C5orf24: variants seen among roughly 807,000 people sequenced by gnomAD.
The protein encoded by C5orf24 is chromosome 5 open reading frame 24.
C5orf24 carries 4 observed loss-of-function variants against 9.8 expected under a neutral mutation model. That is an observed-to-expected ratio of 0.41 (90% confidence interval 0.20 to 0.93). C5orf24 has a LOEUF of 0.93. Ranked by LOEUF, C5orf24 falls within the 40% of genes least tolerant of loss-of-function variation. The pLI is 0.33. For missense variants in C5orf24, 170 were observed against 236.9 expected (o/e 0.72, Z 1.85); for synonymous variants, 73 against 81.3 (o/e 0.90, Z 0.55).
At chr5:134,850,801 G>GT (rs1441083037) in intron 1 of C5orf24, among the ~76,000 whole-genome samples, 2 of 151,614 alleles carry the variant, frequency 1.3e-5, no homozygotes, top group African/African-American at 2.4e-5. Context: ...TTAATGGTAT[G>GT]TTTTTTTCAG....
intron 1 of C5orf24, among the ~76,000 whole-genome samples, chr5:134,848,122 C>T (rs941401937): frequency 1.3e-4 from 19 of 150,934 alleles, no homozygotes; most frequent in Non-Finnish European, 2.7e-4. Flanking sequence ...ACCATCCTGG[C>T]TAACATGGTG....
Position 134,857,543 on chromosome 5 carries a change from A to G in C5orf24, c.*2076A>G, listed in dbSNP as rs1053772409. 3 of 1,066,766 alleles carry G rather than the reference A, an allele frequency of 2.8e-6. No individual in the cohort carries two copies. The African/African-American group carries it at 4.9e-5, about 18-fold the overall frequency. The allele number at this position is 1,066,766 out of a possible 1,614,324, so 66.1% of individuals were successfully genotyped here. The stretch of plus-strand genomic sequence containing the variant: ...AGAGAACGATGTTGGATGGTTACAT[A>G]ATCAGTTATAACATTCTGGCAGCTA... On this transcript the variant is annotated 3_prime_UTR_variant, in exon 2 of 2. Transcript: ENST00000394976.
chr5:134,842,178 T>A (rs1470341401), upstream of C5orf24, among the ~76,000 whole-genome samples: 1 of 152,120 alleles, frequency 6.6e-6, no homozygotes, highest in East Asian at 1.9e-4. Flanking sequence ...GTTATAACAT[T>A]TGTCTGCTCC....
rs1756327481 is a variant in C5orf24, at chr5:134,856,834, G to A, written c.*1367G>A. 1 of 1,000,350 alleles carries A rather than the reference G, an allele frequency of 1.0e-6. No homozygotes were observed. Among genetic ancestry groups the A allele is most frequent in the East Asian group, 1.1e-4 (1 of 8,822 alleles). The allele number at this position is 1,000,350 out of a possible 1,614,324, so 62.0% of individuals were successfully genotyped here. A position where few individuals can be genotyped will look rare whatever the true frequency, so the allele number is the denominator to read the frequency against. ...ACTGTAAAACTGGTATAAACAGAAT[G>A]CAGTTTCCCGACCATCAGAACCCAA... On this transcript the variant is annotated 3_prime_UTR_variant, in exon 2 of 2. Transcript: ENST00000394976.
Position 134,855,894 on chromosome 5 carries a change from G to C in C5orf24, c.*427G>C. On this transcript the variant is annotated 3_prime_UTR_variant, in exon 2 of 2. Coordinates refer to ENST00000394976, the MANE Select transcript of C5orf24 (RefSeq NM_001135586.1). The stretch of plus-strand genomic sequence containing the variant: ...AGCAAAAAAGCAAACTAATGAATCA[G>C]GATTACTTGAGGTAATGGCTGTGTG... 1 of 1,013,844 alleles carries C rather than the reference G, an allele frequency of 9.9e-7. No homozygotes were observed. Among genetic ancestry groups the C allele is most frequent in the Non-Finnish European group, 1.2e-6 (1 of 839,846 alleles). 62.8% of individuals were successfully genotyped at this position (1,013,844 alleles called of 1,614,324 possible).
Position 134,857,486 on chromosome 5 carries a change from G to GA in C5orf24, c.*2020dup, listed in dbSNP as rs1756345764. On this transcript the variant is annotated 3_prime_UTR_variant, in exon 2 of 2. Coordinates refer to ENST00000394976, the MANE Select transcript of C5orf24 (RefSeq NM_001135586.1). ...TATGTGCACTGGCGTCTAAGACAGT[G>GA]ACCTCAACAATATTAGCTTTGCACA... 7.1e-7 allele frequency: 1 copy of GA among 1,416,810 alleles called. No individual in the cohort carries two copies. The highest frequency in any genetic ancestry group is 9.4e-7 in the Non-Finnish European group (1 of 1,069,216). 87.8% of individuals were successfully genotyped at this position (1,416,810 alleles called of 1,614,324 possible).
At chr5:134,835,610 G>A in the C5orf24 span, among the ~76,000 whole-genome samples, 2 of 152,202 alleles carry the variant, frequency 1.3e-5, no homozygotes, top group Non-Finnish European at 2.9e-5. Context: ...TCGTGCCAGT[G>A]CACTCCAGCT....
the C5orf24 span, among the ~76,000 whole-genome samples, chr5:134,839,958 A>G: frequency 1.3e-5 from 2 of 152,154 alleles, no homozygotes; most frequent in African/African-American, 4.8e-5. Context: ...AGGCTCCCAA[A>G]GTGCTGGGAT....
At chr5:134,850,356 A>G (rs990332333) in intron 1 of C5orf24, among the ~76,000 whole-genome samples, 4 of 151,880 alleles carry the variant, frequency 2.6e-5, no homozygotes, top group African/African-American at 9.7e-5. Context: ...CATGTTGGTC[A>G]GGCTGGTCTC....
chr5:134,848,544 C>T (rs1190049999), intron 1 of C5orf24, among the ~76,000 whole-genome samples: 1 of 151,270 alleles, frequency 6.6e-6, no homozygotes, highest in East Asian at 1.9e-4. Context: ...GCCTGTAATC[C>T]CAGCTACTCA....
At chr5:134,838,500 T>A in the C5orf24 span, among the ~76,000 whole-genome samples, 1 of 152,032 alleles carries the variant, frequency 6.6e-6, no homozygotes, top group African/African-American at 2.4e-5. Flanking sequence ...AAACGCCGTC[T>A]CTACTAAAAA....
chr5:134,839,159 A>C, the C5orf24 span, among the ~76,000 whole-genome samples: 1 of 151,296 alleles, frequency 6.6e-6, no homozygotes, highest in Non-Finnish European at 1.5e-5. Flanking sequence ...CCATGATCAC[A>C]CCACTGCATT....
chr5:134,846,277 C>A (rs904832116), intron 1 of C5orf24, 65 bp downstream of exon 1: 2 of 152,458 alleles, frequency 1.3e-5, no homozygotes, highest in African/African-American at 4.8e-5. Flanking sequence ...CGAGAACGGG[C>A]GCCTCGCTGA....
At chr5:134,843,000 GA>G (rs1755921883), upstream of C5orf24, among the ~76,000 whole-genome samples, 1 of 139,138 alleles carries the variant, frequency 7.2e-6, no homozygotes, top group Non-Finnish European at 1.6e-5. Flanking sequence ...TTTTTTTTTT[GA>G]GACAGTCTCA....
At chr5:134,850,421 A>G (rs923407374) in intron 1 of C5orf24, among the ~76,000 whole-genome samples, 3 of 151,654 alleles carry the variant, frequency 2.0e-5, no homozygotes, top group Non-Finnish European at 2.9e-5. Flanking sequence ...TGCTGGGATT[A>G]CAGGCGTGAA....
Position 134,854,887 on chromosome 5 carries a change from AT to A in C5orf24, c.-3-6del, listed in dbSNP as rs1561888051. ...GTGTATTTATATATATTTGTCTTTT[AT>A]TTTTGGTAGAAAATGATGCATCCTG... On this transcript the variant is annotated splice_polypyrimidine_tract_variant and intron_variant, in intron 1 of 1. Coordinates refer to ENST00000394976, the MANE Select transcript of C5orf24 (RefSeq NM_001135586.1). The A allele has an allele frequency of 1.2e-6, 2 of 1,612,470 alleles. No individual in the cohort carries two copies. Among genetic ancestry groups the A allele is most frequent in the Non-Finnish European group, 1.7e-6 (2 of 1,179,794 alleles).
rs1461652964 is a variant in C5orf24 at position 134,857,184 on chromosome 5, A to G, written c.*1717A>G. ...AATTCCACTTAACTTTAAAGTTACA[A>G]TGTTTGTATTTGGGATTTTAAATGC... On this transcript the variant is annotated 3_prime_UTR_variant, in exon 2 of 2. Transcript: ENST00000394976. 3.1e-6 allele frequency: 4 copies of G among 1,309,208 alleles called. No homozygotes were observed. Among genetic ancestry groups the G allele is most frequent in the Non-Finnish European group, 2.9e-6 (3 of 1,020,012 alleles). The allele number at this position is 1,309,208 out of a possible 1,614,324, so 81.1% of individuals were successfully genotyped here.
chr5:134,851,032 AT>A (rs551142630), intron 1 of C5orf24, among the ~76,000 whole-genome samples: 132 of 145,760 alleles, frequency 9.1e-4, no homozygotes, highest in African/African-American at 3.4e-3. Context: ...TTATTTATTT[AT>A]TTTTGTTACC....
chr5:134,859,359 T>G lies in C5orf24; in HGVS notation c.*3892T>G, dbSNP rs1277451939. On this transcript the variant is annotated 3_prime_UTR_variant, in exon 2 of 2. Coordinates refer to ENST00000394976, the MANE Select transcript of C5orf24 (RefSeq NM_001135586.1). Reference sequence around the variant, plus strand: ...TTAAACTCTAGGATGTATCTGAATCTTTCCTTTTTTCCCCCCTCCTCCAAA... The same window carrying G: ...TTAAACTCTAGGATGTATCTGAATCGTTCCTTTTTTCCCCCCTCCTCCAAA... 9 of 167,072 alleles carry G rather than the reference T, an allele frequency of 5.4e-5. No individual in the cohort carries two copies. Among genetic ancestry groups the G allele is most frequent in the Non-Finnish European group, 7.3e-5 (5 of 68,108 alleles). 10.3% of individuals were successfully genotyped at this position (167,072 alleles called of 1,614,324 possible).
Sources: gnomAD v4.1 joint callset for allele counts (sites outside exome capture counted in the v4.1 genomes callset) on GRCh38, gnomAD v4.1.1 for gene constraint, MANE v1.5 for transcripts, NCBI Gene and HGNC (gene_info 2026-07-23, HGNC 2026-07-21) for gene names.